The following VWC2 variants were observed in gnomAD, a reference collection of about 807,000 sequenced individuals.
The protein encoded by VWC2 is von Willebrand factor C domain containing 2.
VWC2 carries 14 observed loss-of-function variants against 29.8 expected under a neutral mutation model. That is an observed-to-expected ratio of 0.47 (90% confidence interval 0.31 to 0.74). VWC2 has a LOEUF of 0.74. VWC2 is among the 30% of genes least tolerant of loss of function. The pLI is 0.05. For missense variants in VWC2, 457 were observed against 459.8 expected, an observed-to-expected ratio of 0.99 and a Z score of 0.05; for synonymous variants, 213 against 199.0, an observed-to-expected ratio of 1.07 and a Z score of -0.59.
chr7:49,800,018 C>T (rs1255157889), intron 2 of VWC2, among the ~76,000 whole-genome samples: 2 of 152,192 alleles, frequency 1.3e-5, no homozygotes, highest in Admixed American at 6.5e-5. Flanking sequence ...CACATGAGTG[C>T]GGCTGAATCA....
chr7:49,784,862 C>G (rs1788258728), intron 2 of VWC2, among the ~76,000 whole-genome samples: 1 of 152,052 alleles, frequency 6.6e-6, no homozygotes, highest in East Asian at 1.9e-4. Flanking sequence ...AAGTAGTGTT[C>G]CAAGTAATGT....
chr7:49,882,536 CAG>C (rs973889003), intron 3 of VWC2, among the ~76,000 whole-genome samples: 2 of 151,658 alleles, frequency 1.3e-5, no homozygotes, highest in East Asian at 3.9e-4. Flanking sequence ...GAGGGACACA[CAG>C]AGAGAGAGAC....
chr7:49,798,969 G>A (rs567781281), intron 2 of VWC2, among the ~76,000 whole-genome samples: 1 of 152,360 alleles, frequency 6.6e-6, no homozygotes, highest in Admixed American at 6.5e-5. Flanking sequence ...ACAGGTAGGA[G>A]CTTATCAAAT....
In VWC2 at chr7:49,918,982, G is replaced by C. The variant is rs577573600; in HGVS notation, c.*6797G>C. 2 of 152,070 alleles carry C rather than the reference G, an allele frequency of 1.3e-5. No homozygotes were observed. The highest frequency in any genetic ancestry group is 4.8e-5 in the African/African-American group (2 of 41,386). 9.4% of individuals were successfully genotyped at this position (152,070 alleles called of 1,614,324 possible). ...GAGGCAGGAGAATCCCTTAAACCGA[G>C]GGGGTGGAGGTTGCTTGAGCCGAGA... On this transcript the variant is annotated 3_prime_UTR_variant, in exon 4 of 4. Coordinates refer to ENST00000340652, the MANE Select transcript of VWC2 (RefSeq NM_198570.5).
chr7:49,782,827 C>T (rs892420226), intron 2 of VWC2, among the ~76,000 whole-genome samples: 7 of 152,046 alleles, frequency 4.6e-5, no homozygotes, highest in African/African-American at 1.7e-4. Context: ...GCATTCCAGC[C>T]TGGACAACAG....
At chr7:49,835,704 C>T (rs994328283) in intron 3 of VWC2, among the ~76,000 whole-genome samples, 1 of 152,162 alleles carries the variant, frequency 6.6e-6, no homozygotes, top group Non-Finnish European at 1.5e-5. Context: ...ATTTGTGTTG[C>T]GTCCACGTGC....
At chr7:49,808,211 A>G (rs1320310578) in intron 3 of VWC2, among the ~76,000 whole-genome samples, 1 of 152,186 alleles carries the variant, frequency 6.6e-6, no homozygotes, top group Non-Finnish European at 1.5e-5. Context: ...TTCCTAGAAC[A>G]ATCACTAAGA....
intron 3 of VWC2, among the ~76,000 whole-genome samples, chr7:49,846,441 A>G (rs1789948827): frequency 6.6e-6 from 1 of 152,168 alleles, no homozygotes; most frequent in Non-Finnish European, 1.5e-5. Context: ...GCAGAACAAC[A>G]TAAAGTTCTC....
At position 49,812,218 on chromosome 7, in the gene VWC2, T is replaced by C. The variant is rs760571625; in HGVS notation, c.826+9378T>C. 1.5e-3 allele frequency among the ~76,000 whole-genome samples: 223 copies of C among 152,352 alleles called. 2 individuals are homozygous for C. The highest frequency in any genetic ancestry group is 3.4e-3 in the Middle Eastern group (1 of 294). ...ATTGAGGTGATGGTATGTTTATTAATTGAGTTGTTAGGTGGATACACAATT... is the reference window on the plus strand; with the variant it reads ...ATTGAGGTGATGGTATGTTTATTAACTGAGTTGTTAGGTGGATACACAATT... On this transcript the variant is annotated intron_variant, in intron 3 of 3. Transcript: ENST00000340652.
intron 3 of VWC2, among the ~76,000 whole-genome samples, chr7:49,888,722 C>T (rs993200435): frequency 6.6e-6 from 1 of 152,054 alleles, no homozygotes; most frequent in African/African-American, 2.4e-5. Flanking sequence ...ATTAGCCTGG[C>T]CAACATGGTA....
At chr7:49,795,994 G>A (rs1247155992) in intron 2 of VWC2, among the ~76,000 whole-genome samples, 2 of 152,136 alleles carry the variant, frequency 1.3e-5, no homozygotes, top group African/African-American at 4.8e-5. Flanking sequence ...GGTAGAGGCA[G>A]ATAGGGGGTA....
rs151162700 is a variant in VWC2, at chr7:49,782,569, G to T, written c.696+6438G>T. Among the ~76,000 whole-genome samples the T allele has an allele frequency of 1.4e-3, 209 of 151,912 alleles. 2 individuals are homozygous for T. The highest frequency in any genetic ancestry group is 4.8e-3 in the African/African-American group (200 of 41,408). On this transcript the variant is annotated intron_variant, in intron 2 of 3. Transcript: ENST00000340652. The stretch of plus-strand genomic sequence containing the variant: ...AAAAAAAAAAAGATAATGGGGCCTG[G>T]TGTGGTGACTCATCCCTGTAATCCC...
intron 3 of VWC2, among the ~76,000 whole-genome samples, chr7:49,903,217 C>A (rs1412068279): frequency 6.6e-6 from 1 of 152,184 alleles, no homozygotes; most frequent in Non-Finnish European, 1.5e-5. Flanking sequence ...AAATACTCAG[C>A]TACCACACAA....
intron 3 of VWC2, among the ~76,000 whole-genome samples, chr7:49,823,211 C>T (rs1789305057): frequency 6.6e-6 from 1 of 152,112 alleles, no homozygotes; most frequent in Non-Finnish European, 1.5e-5. Context: ...CACAAGGACG[C>T]TTGGACAGAT....
chr7:49,846,028 A>G (rs189402731), intron 3 of VWC2, among the ~76,000 whole-genome samples: 2 of 152,370 alleles, frequency 1.3e-5, no homozygotes, highest in Admixed American at 1.3e-4. Flanking sequence ...GAAGTTATCC[A>G]TGTTGTCCTG....
chr7:49,821,359 CAAT>C (rs1451011989), intron 3 of VWC2, among the ~76,000 whole-genome samples: 3 of 152,160 alleles, frequency 2.0e-5, no homozygotes, highest in African/African-American at 7.2e-5. Flanking sequence ...GATCTCAAGA[CAAT>C]GATGTAACAC....
intron 3 of VWC2, among the ~76,000 whole-genome samples, chr7:49,909,246 T>C (rs1793270346): frequency 6.6e-6 from 1 of 152,184 alleles, no homozygotes; most frequent in African/African-American, 2.4e-5. Context: ...GGCTTCTCTG[T>C]GCAAAGCACG....
chr7:49,860,260 G>A (rs1790596838), intron 3 of VWC2, among the ~76,000 whole-genome samples: 1 of 152,024 alleles, frequency 6.6e-6, no homozygotes, highest in Non-Finnish European at 1.5e-5. Context: ...CCTCATTCCT[G>A]TCTACGTCAG....
At position 49,912,172 on chromosome 7, in the gene VWC2, G is replaced by T; in HGVS notation, c.965G>T (p.Cys322Phe). The part of the protein sequence containing the change: ...ERQAMCTRHE[C>F]RQM ...CAGGCCATGTGCACGAGACATGAAT[G>T]CAGGCAAATGTAGACGCTTCCCAGA... The change falls in exon 4 of 4, where the codon TGC (cysteine) becomes TTC (phenylalanine). Residue 322 changes from cysteine (C) to phenylalanine (F), a missense_variant. Physicochemically the swap from Cys to Phe is radical, Grantham distance 205. This residue lies in a region of VWC2 where 185 missense variants were observed against 257.1 expected (regional missense o/e 0.72). Transcript: ENST00000340652. 1.2e-6 allele frequency: 2 copies of T among 1,613,880 alleles called. No homozygotes were observed. Among genetic ancestry groups the T allele is most frequent in the South Asian group, 1.1e-5 (1 of 91,064 alleles).
Sources: allele counts gnomAD v4.1 joint callset (sites outside exome capture counted in the v4.1 genomes callset), GRCh38; gene constraint gnomAD v4.1.1; regional missense constraint gnomAD v4.1.1; transcripts MANE v1.5; gene names NCBI Gene and HGNC (gene_info 2026-07-23, HGNC 2026-07-21).